Variants in PLCB4 observed in about 807,000 individuals in gnomAD.
PLCB4 encodes the protein 1-phosphatidylinositol 4,5-bisphosphate phosphodiesterase beta-4.
PLCB4 carries 77 observed loss-of-function variants against 178.8 expected under a neutral mutation model. The observed-to-expected ratio is 0.43, with a 90% CI of 0.36 to 0.52. PLCB4 has a LOEUF of 0.52. Among genes scored for constraint, PLCB4 ranks in the 20% least tolerant of loss-of-function variants. PLCB4 has a pLI of 0.00. For synonymous variants in PLCB4, 496 were observed against 490.8 expected (o/e 1.01, Z -0.14); for missense variants, 1,024 against 1,453.4 (o/e 0.70, Z 4.80).
intron 3 of PLCB4, among the ~76,000 whole-genome samples, chr20:9,275,930 A>G (rs2147653821): frequency 6.6e-6 from 1 of 152,146 alleles, no homozygotes; most frequent in South Asian, 2.1e-4. Flanking sequence ...TTGGAGGTGA[A>G]TTTGGACCTA....
chr20:9,240,558 G>A (rs1394336447), intron 3 of PLCB4, among the ~76,000 whole-genome samples: 1 of 152,032 alleles, frequency 6.6e-6, no homozygotes, highest in African/African-American at 2.4e-5. Flanking sequence ...ATTGTGTTCT[G>A]TGCTGTGTCT....
At chr20:9,420,584 CT>C (rs750011573) in intron 26 of PLCB4, among the ~76,000 whole-genome samples, 2 of 152,128 alleles carry the variant, frequency 1.3e-5, no homozygotes, top group African/African-American at 2.4e-5. Context: ...CTGCCTCAGC[CT>C]CCCAAAGTAC....
chr20:9,432,876 G>A (rs759287692), intron 28 of PLCB4, among the ~76,000 whole-genome samples: 4 of 152,198 alleles, frequency 2.6e-5, no homozygotes, highest in African/African-American at 4.8e-5. Flanking sequence ...TCCTCTCTAA[G>A]CAATGGAGGT....
intron 7 of PLCB4, among the ~76,000 whole-genome samples, chr20:9,348,122 A>C (rs904033707): frequency 6.6e-6 from 1 of 152,226 alleles, no homozygotes; most frequent in African/African-American, 2.4e-5. Flanking sequence ...CCTGGACTAC[A>C]TCATCATGAC....
chr20:9,130,841 A>G (rs2092253907), intron 2 of PLCB4, among the ~76,000 whole-genome samples: 1 of 152,218 alleles, frequency 6.6e-6, no homozygotes, highest in African/African-American at 2.4e-5. Flanking sequence ...TCTCTGTGCC[A>G]ACACAGACCA....
At chr20:9,203,056 A>AATATATAT (rs55690764) in intron 2 of PLCB4, among the ~76,000 whole-genome samples, 163 of 126,128 alleles carry the variant, frequency 1.3e-3, no homozygotes, top group African/African-American at 4.8e-3. Context: ...AAAAAAAAAA[A>AATATATAT]ATATATATAT....
intron 2 of PLCB4, among the ~76,000 whole-genome samples, chr20:9,129,893 T>C (rs2092229165): frequency 6.6e-6 from 1 of 152,128 alleles, no homozygotes; most frequent in African/African-American, 2.4e-5. Flanking sequence ...AGGTCTTTTG[T>C]TGGATAGGAT....
At chr20:9,188,150 A>C (rs1308329469) in intron 2 of PLCB4, among the ~76,000 whole-genome samples, 1 of 152,260 alleles carries the variant, frequency 6.6e-6, no homozygotes, top group African/African-American at 2.4e-5. Flanking sequence ...ATGAACAAAA[A>C]ATAAAATGAA....
intron 8 of PLCB4, among the ~76,000 whole-genome samples, chr20:9,364,297 A>C (rs1006727916): frequency 2.0e-5 from 3 of 152,166 alleles, no homozygotes; most frequent in African/African-American, 7.2e-5. Flanking sequence ...AGTGACACAA[A>C]TATCTCTATC....
chr20:9,070,652 A>G (rs2089523401), intron 1 of PLCB4, among the ~76,000 whole-genome samples: 1 of 152,196 alleles, frequency 6.6e-6, no homozygotes, highest in African/African-American at 2.4e-5. Context: ...TTCATAAAAA[A>G]TCACTTTTTG....
At chr20:9,149,787 C>T (rs866794513) in intron 2 of PLCB4, among the ~76,000 whole-genome samples, 1 of 152,242 alleles carries the variant, frequency 6.6e-6, no homozygotes. Context: ...TCCTGGGAAA[C>T]AAACTCCCAA....
chr20:9,322,378 A>C (rs937857982), intron 4 of PLCB4, among the ~76,000 whole-genome samples: 1 of 152,210 alleles, frequency 6.6e-6, no homozygotes, highest in Admixed American at 6.5e-5. Context: ...GAGAAAGCCT[A>C]TCTTTTTAAT....
intron 7 of PLCB4, among the ~76,000 whole-genome samples, chr20:9,344,054 G>A (rs2033534867): frequency 6.6e-6 from 1 of 152,088 alleles, no homozygotes; most frequent in South Asian, 2.1e-4. Context: ...GCAGCTGGAG[G>A]GATGTTTTTA....
At chr20:9,297,822 C>T (rs887094114) in intron 3 of PLCB4, among the ~76,000 whole-genome samples, 1 of 152,236 alleles carries the variant, frequency 6.6e-6, no homozygotes, top group African/African-American at 2.4e-5. Context: ...GGCATAGGAA[C>T]TCAGATGTCA....
At chr20:9,203,627 C>T (rs143326646) in intron 2 of PLCB4, among the ~76,000 whole-genome samples, 1 of 152,206 alleles carries the variant, frequency 6.6e-6, no homozygotes, top group East Asian at 1.9e-4. Flanking sequence ...TTCCATTTAA[C>T]TTCACAACAA....
At chr20:9,080,243 G>A (rs2090080308) in intron 1 of PLCB4, among the ~76,000 whole-genome samples, 1 of 152,094 alleles carries the variant, frequency 6.6e-6, no homozygotes, top group African/African-American at 2.4e-5. Flanking sequence ...TCTTGGCCCT[G>A]TTGCTTGAAA....
chr20:9,458,195 A>G (rs1003551458), intron 34 of PLCB4, among the ~76,000 whole-genome samples: 1 of 152,228 alleles, frequency 6.6e-6, no homozygotes, highest in Non-Finnish European at 1.5e-5. Flanking sequence ...CAGCTGTGTC[A>G]TCTGGCCTAA....
At chr20:9,361,757 T>C (rs2035353387) in intron 7 of PLCB4, among the ~76,000 whole-genome samples, 2 of 152,334 alleles carry the variant, frequency 1.3e-5, no homozygotes, top group East Asian at 1.9e-4. Context: ...AGAGATTAAA[T>C]TGCTTGACTT....
At chr20:9,386,060 C>T (rs2037620429) in intron 14 of PLCB4, among the ~76,000 whole-genome samples, 1 of 152,182 alleles carries the variant, frequency 6.6e-6, no homozygotes, top group South Asian at 2.1e-4. Flanking sequence ...GGAGACCAGC[C>T]CCGTCAACAG....
Sources: gnomAD v4.1 joint callset for allele counts (sites outside exome capture counted in the v4.1 genomes callset) on GRCh38, gnomAD v4.1.1 for gene constraint, MANE v1.5 for transcripts, NCBI Gene and HGNC (gene_info 2026-07-23, HGNC 2026-07-21) for gene names.